The following PLA2G6 variants were observed in gnomAD, a reference collection of about 807,000 sequenced individuals.
PLA2G6 encodes phospholipase A2 group VI.
In PLA2G6, 62 loss-of-function variants were observed where a neutral mutation model predicts 83.8. That is an observed-to-expected ratio of 0.74 (90% CI 0.60 to 0.91). The LOEUF is 0.91. Ranked by LOEUF, PLA2G6 falls within the 40% of genes least tolerant of loss-of-function variation. PLA2G6 has a pLI of 0.00. For missense variants in PLA2G6, 944 were observed against 1,102.0 expected, an observed-to-expected ratio of 0.86 and a Z score of 2.03; for synonymous variants, 417 against 449.8, an observed-to-expected ratio of 0.93 and a Z score of 0.92.
At chr22:38,129,362 C>T (rs2088065029) in intron 8 of PLA2G6, 92 bp downstream of exon 8, 1 of 895,040 alleles carries the variant, frequency 1.1e-6, no homozygotes, top group Non-Finnish European at 1.9e-6. Flanking sequence ...GCACAGGATG[C>T]TGGCACCTGA....
At chr22:38,125,269 ATGCATGTGGGCAACCCGCAGGCATG>A (rs886643325) in intron 10 of PLA2G6, among the ~76,000 whole-genome samples, 3 of 143,662 alleles carry the variant, frequency 2.1e-5, no homozygotes, top group African/African-American at 7.4e-5. Flanking sequence ...TGGGCAACAC[ATGCATGTGGGCAACCCGCAGGCATG>A]TGCATGTGGG....
Position 38,132,102 on chromosome 22 carries a change from G to A in PLA2G6, c.1077+729C>T, listed in dbSNP as rs1281460939. The A allele has an allele frequency of 4.0e-5, 18 of 455,492 alleles. No individual in the cohort carries two copies. The highest frequency in any genetic ancestry group is 3.1e-4 in the Admixed American group (13 of 42,486). The allele number at this position is 455,492 out of a possible 1,614,324, so 28.2% of individuals were successfully genotyped here. A position where few individuals can be genotyped will look rare whatever the true frequency, so the allele number is the denominator to read the frequency against. ...TGCACTCCAGCCTGGGCGACAGTGC[G>A]AGACTCCATCTCGAAAAAAAAGAAT... On this transcript the variant is annotated intron_variant, in intron 7 of 16. Coordinates refer to ENST00000332509, the MANE Select transcript of PLA2G6 (RefSeq NM_003560.4). This position sits in a 1 kb window ranked among gnomAD's most constrained non-coding sequence, Gnocchi z 5.0.
chr22:38,145,470 G>A lies in PLA2G6; in HGVS notation c.393C>T (p.Ile131=), dbSNP rs1246478502. The A allele has an allele frequency of 6.2e-7, 1 of 1,611,394 alleles. No individual in the cohort carries two copies. The highest frequency in any genetic ancestry group is 8.5e-7 in the Non-Finnish European group (1 of 1,179,298). ...SVAHLAVELG[I]RECFHHSRII... ...TACGGCTGTGATGGAAGCACTCGCGGATCCCTAGCTCCACAGCCAGGTGGG... is the reference window on the plus strand; with the variant it reads ...TACGGCTGTGATGGAAGCACTCGCGAATCCCTAGCTCCACAGCCAGGTGGG... The change falls in exon 3 of 17, where the codon ATC becomes ATT. Residue 131 remains isoleucine (I), a synonymous_variant. Coordinates refer to ENST00000332509, the MANE Select transcript of PLA2G6 (RefSeq NM_003560.4).
At chr22:38,119,137 T>C (rs750414467) in intron 12 of PLA2G6, among the ~76,000 whole-genome samples, 6 of 152,072 alleles carry the variant, frequency 3.9e-5, no homozygotes, top group South Asian at 2.1e-4. Flanking sequence ...CCCCCAAGAA[T>C]AGCCATGATG....
rs181152306 is a variant in PLA2G6, at chr22:38,171,039, G to A, written c.-45-1568C>T. 2.6e-4 allele frequency among the ~76,000 whole-genome samples: 39 copies of A among 152,126 alleles called. No individual in the cohort carries two copies. The East Asian group carries it at 7.2e-3, about 28-fold the overall frequency. ...TACAAAAAATTAGCCAGGCATGGTG[G>A]CGCATGCCTGTAATCCCAGCTACTT... On this transcript the variant is annotated intron_variant, in intron 1 of 16. Transcript: ENST00000332509.
At chr22:38,150,753 C>T (rs1034375570) in intron 2 of PLA2G6, 3 of 152,148 alleles carry the variant, frequency 2.0e-5, no homozygotes, top group Admixed American at 6.5e-5. Context: ...AACAATGGAA[C>T]CCAGAGATAA....
intron 2 of PLA2G6, among the ~76,000 whole-genome samples, chr22:38,152,369 T>A (rs916090945): frequency 6.6e-6 from 1 of 151,764 alleles, no homozygotes; most frequent in Non-Finnish European, 1.5e-5. Context: ...CCCAGCTAAT[T>A]TTTTTGTATT....
chr22:38,174,869 C>A (rs1030591954), intron 1 of PLA2G6, among the ~76,000 whole-genome samples: 1 of 152,128 alleles, frequency 6.6e-6, no homozygotes, highest in Non-Finnish European at 1.5e-5. Context: ...ATGTCAGTCA[C>A]GCCCCTCGCC....
intron 2 of PLA2G6, chr22:38,147,765 T>G (rs2089345487): frequency 6.6e-6 from 1 of 152,210 alleles, no homozygotes; most frequent in African/African-American, 2.4e-5. Flanking sequence ...TTGGCCAGGC[T>G]GGTCTCGAAC....
chr22:38,126,324 G>A (rs780968037), intron 10 of PLA2G6, 47 bp downstream of exon 10: 6 of 1,438,454 alleles, frequency 4.2e-6, no homozygotes, highest in Admixed American at 3.3e-5. Flanking sequence ...TGAGGGGCAG[G>A]AAAGCGCACA....
At chr22:38,147,797 C>T (rs1159316617) in intron 2 of PLA2G6, 1 of 152,308 alleles carries the variant, frequency 6.6e-6, no homozygotes, top group African/African-American at 2.4e-5. Flanking sequence ...AGTGATCCAC[C>T]CATCTTGGTC....
chr22:38,124,134 CTTATTTAT>C (rs11570725), intron 10 of PLA2G6, among the ~76,000 whole-genome samples: 1 of 151,972 alleles, frequency 6.6e-6, no homozygotes, highest in African/African-American at 2.4e-5. Flanking sequence ...CGTGCCCAGC[CTTATTTAT>C]TTATTTATTT....
Position 38,145,420 on chromosome 22 carries a change from T to C in PLA2G6, c.425+18A>G. 6.3e-7 allele frequency: 1 copy of C among 1,586,974 alleles called. No individual in the cohort carries two copies. The highest frequency in any genetic ancestry group is 2.2e-4 in the Middle Eastern group (1 of 4,608). On this transcript the variant is annotated intron_variant, in intron 3 of 16. Coordinates refer to ENST00000332509, the MANE Select transcript of PLA2G6 (RefSeq NM_003560.4). ...AGGTACACACACGTTGTCCAAATGG[T>C]CTTGTTCCCTTGCTCACCTGATGAT...
In PLA2G6 at chr22:38,128,144, C is replaced by A; in HGVS notation, c.1348+125G>T. 1.9e-6 allele frequency: 2 copies of A among 1,042,184 alleles called. No individual in the cohort carries two copies. Among genetic ancestry groups the A allele is most frequent in the East Asian group, 2.4e-5 (1 of 41,832 alleles). 64.6% of individuals were successfully genotyped at this position (1,042,184 alleles called of 1,614,324 possible). On this transcript the variant is annotated intron_variant, in intron 9 of 16. Transcript: ENST00000332509. This position sits in a 1 kb window ranked among gnomAD's most constrained non-coding sequence, Gnocchi z 4.4. The stretch of plus-strand genomic sequence containing the variant: ...GCTGCCTAGAGGCTGACAACTCCGG[C>A]CCCATCCTCCCCGGCTTCCTTTAGT...
rs1012889381 is a variant in PLA2G6 at position 38,126,440 on chromosome 22, T to A, written c.1358A>T (p.Asp453Val). The change falls in exon 10 of 17, where the codon GAT becomes GTT. Residue 453 changes from aspartate (D) to valine (V), a missense_variant. By Grantham distance (152) the Asp-to-Val change is radical. Coordinates refer to ENST00000332509, the MANE Select transcript of PLA2G6 (RefSeq NM_003560.4). The stretch of plus-strand genomic sequence containing the variant: ...CCGGGCCCGTGAGATGTGCATGAGA[T>A]CCTGTAGTTCTGTGAGGCACAGAGC... ...PISLNNLELQ[D>V]LMHISRARKP... The A allele has an allele frequency of 6.8e-6, 11 of 1,613,148 alleles. No individual in the cohort carries two copies. The highest frequency in any genetic ancestry group is 9.3e-6 in the Non-Finnish European group (11 of 1,179,722).
chr22:38,120,694 C>G (rs2087472352), intron 12 of PLA2G6, 65 bp downstream of exon 12: 2 of 1,590,582 alleles, frequency 1.3e-6, no homozygotes, highest in African/African-American at 2.7e-5. Flanking sequence ...AGGGAGCCCT[C>G]TGTCCCCAGG....
chr22:38,129,582 G>A lies in PLA2G6; in HGVS notation c.1078-20C>T, dbSNP rs748042748. 2.4e-5 allele frequency: 38 copies of A among 1,575,460 alleles called. No individual in the cohort carries two copies. Among genetic ancestry groups the A allele is most frequent in the Non-Finnish European group, 3.2e-5 (37 of 1,145,070 alleles). Reference sequence around the variant, plus strand: ...GTCTTTCTGTTGGAGATGGAGAGAGGATAAGACGTGCAACTGCCGGGGAAG... The same window carrying A: ...GTCTTTCTGTTGGAGATGGAGAGAGAATAAGACGTGCAACTGCCGGGGAAG... On this transcript the variant is annotated intron_variant, in intron 7 of 16. Transcript: ENST00000332509.
chr22:38,114,082 A>T (rs1323226029), intron 14 of PLA2G6, among the ~76,000 whole-genome samples: 1 of 152,158 alleles, frequency 6.6e-6, no homozygotes, highest in Non-Finnish European at 1.5e-5. Flanking sequence ...CCAGTTTGCA[A>T]ATGAGGGCTC....
chr22:38,127,234 C>T (rs190350848), intron 9 of PLA2G6: 11 of 1,212,254 alleles, frequency 9.1e-6, no homozygotes, highest in East Asian at 5.8e-5. Flanking sequence ...CCAGGGCACA[C>T]GGCTCCACAG....
Sources: allele counts gnomAD v4.1 joint callset (sites outside exome capture counted in the v4.1 genomes callset), GRCh38; gene constraint gnomAD v4.1.1; non-coding constraint Gnocchi (gnomAD v3.1); transcripts MANE v1.5; gene names NCBI Gene and HGNC (gene_info 2026-07-23, HGNC 2026-07-21).